NME7: variants seen among roughly 807,000 people sequenced by gnomAD.
NME7 encodes NME/NM23 family member 7, also known as nucleoside diphosphate kinase 7.
A neutral mutation model predicts 49.1 loss-of-function variants in NME7; 41 were observed. The ratio of observed to expected loss-of-function variants is 0.83; its 90% CI spans 0.65 to 1.08. NME7 has a LOEUF of 1.08. NME7 is among the 50% of genes least tolerant of loss of function. The pLI is 0.00. For synonymous variants in NME7, 139 were observed against 150.6 expected, an observed-to-expected ratio of 0.92 and a Z score of 0.56; for missense variants, 423 against 463.4, an observed-to-expected ratio of 0.91 and a Z score of 0.80.
chr1:169,354,545 C>T (rs1268689359), intron 1 of NME7, among the ~76,000 whole-genome samples: 7 of 151,158 alleles, frequency 4.6e-5, no homozygotes, highest in Admixed American at 2.0e-4. Flanking sequence ...TTTGTTAACA[C>T]AAAGAATAAA....
chr1:169,161,909 T>G (rs560538265), intron 11 of NME7, among the ~76,000 whole-genome samples: 1 of 152,286 alleles, frequency 6.6e-6, no homozygotes, highest in South Asian at 2.1e-4. Flanking sequence ...TCTCCCCAAT[T>G]GATCCCATAG....
intron 10 of NME7, among the ~76,000 whole-genome samples, chr1:169,191,055 A>G (rs1043427495): frequency 7.1e-6 from 1 of 141,308 alleles, no homozygotes; most frequent in Admixed American, 7.1e-5. Context: ...CTCGTGATCC[A>G]CCCGCCTCGG....
chr1:169,203,460 G>A (rs1175949583), intron 10 of NME7, among the ~76,000 whole-genome samples: 1 of 152,138 alleles, frequency 6.6e-6, no homozygotes, highest in Non-Finnish European at 1.5e-5. Flanking sequence ...ACCTCACAAT[G>A]AGAGACTGCT....
At chr1:169,160,434 A>G (rs1017562793) in intron 11 of NME7, among the ~76,000 whole-genome samples, 1 of 152,112 alleles carries the variant, frequency 6.6e-6, no homozygotes, top group Non-Finnish European at 1.5e-5. Context: ...GGCCACTTCA[A>G]ACTTTGTCTA....
chr1:169,201,802 T>G (rs1364505606), intron 10 of NME7, among the ~76,000 whole-genome samples: 2 of 152,138 alleles, frequency 1.3e-5, no homozygotes, highest in African/African-American at 2.4e-5. Flanking sequence ...CAGGAGGTGT[T>G]CTTAGACTGG....
At chr1:169,328,776 T>C (rs1652156179) in intron 1 of NME7, among the ~76,000 whole-genome samples, 1 of 152,198 alleles carries the variant, frequency 6.6e-6, no homozygotes. Context: ...TTAGTAACAA[T>C]TTTCTTTTTA....
At chr1:169,143,273 C>CTTTTTTTTTTTTTTTTTTTTTTTTTT (rs71299493) in intron 11 of NME7, among the ~76,000 whole-genome samples, 3 of 98,178 alleles carry the variant, frequency 3.1e-5, no homozygotes, top group Admixed American at 1.1e-4. Context: ...TCACCTCAGG[C>CTTTTTTTTTTTTTTTTTTTTTTTTTT]TTTTTTTTTT....
intron 1 of NME7, among the ~76,000 whole-genome samples, chr1:169,335,041 G>A (rs1403280552): frequency 6.6e-6 from 1 of 151,656 alleles, no homozygotes; most frequent in African/African-American, 2.4e-5. Context: ...TTAGAATGAC[G>A]ATTAAAAAGT....
At chr1:169,312,710 T>G (rs1040257116) in intron 3 of NME7, among the ~76,000 whole-genome samples, 4 of 152,190 alleles carry the variant, frequency 2.6e-5, no homozygotes, top group African/African-American at 9.6e-5. Flanking sequence ...CTGAGAAAGA[T>G]GACTGATTGC....
rs1378950737 is a variant in NME7, at chr1:169,223,784, TATAG to T, written c.990+6930_990+6933del. On this transcript the variant is annotated intron_variant, in intron 10 of 11. Transcript: ENST00000367811. ...GTATGGGAATACATGCATATATATATATAGAGAGAGAGAGAGAGAGAGATGTATT... is the reference window on the plus strand; with the variant it reads ...GTATGGGAATACATGCATATATATATAGAGAGAGAGAGAGAGAGATGTATT... Among the ~76,000 whole-genome samples the T allele has an allele frequency of 2.0e-3, 307 of 150,728 alleles. 4 individuals are homozygous for T. The highest frequency in any genetic ancestry group is 7.1e-3 in the African/African-American group (288 of 40,726).
At chr1:169,230,866 ACTCTCCC>A (rs977922695) in intron 9 of NME7, 47 bp from the exon 10 acceptor site, 7 of 1,313,494 alleles carry the variant, frequency 5.3e-6, no homozygotes, top group African/African-American at 1.5e-5. Context: ...ACAATTTTTA[ACTCTCCC>A]CTTTTAATTG....
At position 169,262,091 on chromosome 1, in the gene NME7, T is replaced by C. The variant is rs576919836; in HGVS notation, c.755-24404A>G. Among the ~76,000 whole-genome samples the C allele has an allele frequency of 1.5e-5, 2 of 133,150 alleles. 1 individual carries two copies. The highest frequency in any genetic ancestry group is 3.5e-5 in the Non-Finnish European group (2 of 56,912). The allele number at this position is 133,150 out of a possible 152,430, so 87.4% of individuals were successfully genotyped here. A position where few individuals can be genotyped will look rare whatever the true frequency, so the allele number is the denominator to read the frequency against. Reference sequence around the variant, plus strand: ...TCTGGACCTGGCCATGTGACTTTCCTTAGCTGTGATGCAAACAGAGACATG... The same window carrying C: ...TCTGGACCTGGCCATGTGACTTTCCCTAGCTGTGATGCAAACAGAGACATG... On this transcript the variant is annotated intron_variant, in intron 7 of 11. Coordinates refer to ENST00000367811, the MANE Select transcript of NME7 (RefSeq NM_013330.5).
chr1:169,334,923 C>T (rs1652399735), intron 1 of NME7, among the ~76,000 whole-genome samples: 2 of 152,124 alleles, frequency 1.3e-5, no homozygotes, highest in South Asian at 4.1e-4. Context: ...ACAGACACTT[C>T]TCAAAAGAAG....
chr1:169,361,944 A>G (rs1342649927), intron 1 of NME7, among the ~76,000 whole-genome samples: 1 of 152,206 alleles, frequency 6.6e-6, no homozygotes, highest in East Asian at 1.9e-4. Context: ...ACTTTGACTC[A>G]TGCCTGTAAT....
At chr1:169,311,416 CAAAAAAAAAAA>C (rs34576386) in intron 3 of NME7, among the ~76,000 whole-genome samples, 1 of 83,648 alleles carries the variant, frequency 1.2e-5, no homozygotes, top group East Asian at 3.9e-4. Flanking sequence ...GACTCCATCT[CAAAAAAAAAAA>C]AAAAAAAAAA....
intron 6 of NME7, 122 bp downstream of exon 6, chr1:169,298,434 T>C: frequency 1.1e-6 from 1 of 942,108 alleles, no homozygotes; most frequent in Admixed American, 2.4e-5. Context: ...TCAAAGGTTT[T>C]CTCTACTACT....
chr1:169,366,714 T>C (rs1485652509), intron 1 of NME7, among the ~76,000 whole-genome samples: 2 of 151,998 alleles, frequency 1.3e-5, no homozygotes, highest in African/African-American at 2.4e-5. Context: ...GTTGAAGAAA[T>C]GGCCTGTTAT....
chr1:169,309,315 A>G (rs1319244007), intron 4 of NME7, among the ~76,000 whole-genome samples: 1 of 152,184 alleles, frequency 6.6e-6, no homozygotes, highest in East Asian at 1.9e-4. Context: ...TTCTGCAATA[A>G]AAGGTTCCCT....
intron 7 of NME7, among the ~76,000 whole-genome samples, chr1:169,266,966 GC>G (rs1649336652): frequency 1.5e-5 from 2 of 132,970 alleles, no homozygotes; most frequent in Non-Finnish European, 3.5e-5. Context: ...TACTTGGGAG[GC>G]TGAGGCACAA....
Sources: allele counts gnomAD v4.1 joint callset (sites outside exome capture counted in the v4.1 genomes callset), GRCh38; gene constraint gnomAD v4.1.1; transcripts MANE v1.5; gene names NCBI Gene and HGNC (gene_info 2026-07-23, HGNC 2026-07-21).